The following PIGL variants were observed in gnomAD, a reference collection of about 807,000 sequenced individuals.
PIGL encodes the protein phosphatidylinositol glycan anchor biosynthesis class L, also known as N-acetylglucosaminyl-phosphatidylinositol de-N-acetylase.
In PIGL, 22 loss-of-function variants were observed where a neutral mutation model predicts 31.1. That is an observed-to-expected ratio of 0.71 (90% CI 0.51 to 1.01). The LOEUF is 1.01. Ranked by LOEUF, PIGL falls within the 50% of genes least tolerant of loss-of-function variation. The pLI is 0.00. For missense variants in PIGL, 302 were observed against 315.9 expected, an observed-to-expected ratio of 0.96 and a Z score of 0.33; for synonymous variants, 131 against 117.4, an observed-to-expected ratio of 1.12 and a Z score of -0.75.
At chr17:16,315,622 G>T (rs539158991) in intron 4 of PIGL, among the ~76,000 whole-genome samples, 52 of 151,204 alleles carry the variant, frequency 3.4e-4, no homozygotes, top group South Asian at 6.3e-4. Flanking sequence ...ACAGGGCTTT[G>T]CCCAGAGTAC....
intron 2 of PIGL, among the ~76,000 whole-genome samples, chr17:16,259,097 T>C (rs945048561): frequency 6.6e-6 from 1 of 152,184 alleles, no homozygotes; most frequent in African/African-American, 2.4e-5. Context: ...TTCAAGATGA[T>C]GTGTTGCTAC....
chr17:16,217,748 A>G (rs928142303), intron 1 of PIGL: 3 of 402,016 alleles, frequency 7.5e-6, no homozygotes, highest in African/African-American at 2.0e-5. Flanking sequence ...CTCCACCTGT[A>G]CTTGTTATTC....
chr17:16,275,456 C>T (rs1040366575), intron 2 of PIGL, among the ~76,000 whole-genome samples: 1 of 152,180 alleles, frequency 6.6e-6, no homozygotes, highest in East Asian at 1.9e-4. Context: ...GACCTCCTAT[C>T]TCATCCTATA....
At chr17:16,229,960 C>T (rs2092671615) in intron 1 of PIGL, among the ~76,000 whole-genome samples, 2 of 140,292 alleles carry the variant, frequency 1.4e-5, no homozygotes, top group African/African-American at 2.7e-5. Flanking sequence ...CTCCTAGGTT[C>T]AAGAGATTCT....
At position 16,274,890 on chromosome 17, in the gene PIGL, A is replaced by T. The variant is rs1250076047; in HGVS notation, c.336-24998A>T. Among the ~76,000 whole-genome samples, 4 of 148,364 alleles carry T rather than the reference A, an allele frequency of 2.7e-5. No homozygotes were observed. In the South Asian group the frequency reaches 8.5e-4, roughly 32 times the overall value. ...CTACTAAATATACAAAAATTAGCCG[A>T]GTGTGGTGGCTTGCGCCTGTAATCC... is the stretch of plus-strand genomic sequence containing the variant. On this transcript the variant is annotated intron_variant, in intron 2 of 6. Coordinates refer to ENST00000225609, the MANE Select transcript of PIGL (RefSeq NM_004278.4).
At chr17:16,265,866 C>G (rs2092840331) in intron 2 of PIGL, among the ~76,000 whole-genome samples, 1 of 151,966 alleles carries the variant, frequency 6.6e-6, no homozygotes, top group South Asian at 2.1e-4. Context: ...CATTATAGAC[C>G]CTGTACTTTA....
intron 2 of PIGL, among the ~76,000 whole-genome samples, chr17:16,258,117 GAGAGAGAA>G (rs2092803829): frequency 1.6e-5 from 2 of 125,306 alleles, no homozygotes; most frequent in African/African-American, 2.9e-5. Context: ...GAGAGAGAGA[GAGAGAGAA>G]AGAGAGAGAG....
chr17:16,263,456 C>G (rs980148982), intron 2 of PIGL, among the ~76,000 whole-genome samples: 2 of 151,974 alleles, frequency 1.3e-5, no homozygotes, highest in African/African-American at 4.8e-5. Flanking sequence ...CAGTTGTGAG[C>G]CACCACAACT....
At chr17:16,287,127 C>T (rs757241214) in intron 2 of PIGL, among the ~76,000 whole-genome samples, 3 of 152,232 alleles carry the variant, frequency 2.0e-5, no homozygotes, top group Non-Finnish European at 4.4e-5. Context: ...ATGCCTTTCT[C>T]CAGCCATGGC....
chr17:16,232,130 T>C (rs945631325), intron 1 of PIGL, among the ~76,000 whole-genome samples: 1 of 151,832 alleles, frequency 6.6e-6, no homozygotes, highest in African/African-American at 2.4e-5. Context: ...ATACAAAAAT[T>C]AGCCAGGCGT....
chr17:16,243,063 G>A (rs1033252831), intron 2 of PIGL, among the ~76,000 whole-genome samples: 5 of 152,004 alleles, frequency 3.3e-5, no homozygotes, highest in Admixed American at 6.6e-5. Flanking sequence ...TTGTTTGTTT[G>A]TTTATGAGAC....
chr17:16,302,792 G>A (rs549192587), intron 3 of PIGL, among the ~76,000 whole-genome samples: 2 of 4,774 alleles, frequency 4.2e-4, no homozygotes, highest in South Asian at 7.0e-3. Context: ...TAGAGATGGG[G>A]TTTCACCATG....
At chr17:16,303,207 G>A (rs555680504) in intron 3 of PIGL, among the ~76,000 whole-genome samples, 32 of 152,230 alleles carry the variant, frequency 2.1e-4, no homozygotes, top group Non-Finnish European at 3.8e-4. Context: ...TTGAGGCTCC[G>A]GCAGTATTTG....
intron 2 of PIGL, among the ~76,000 whole-genome samples, chr17:16,250,522 C>T (rs543714836): frequency 1.3e-5 from 2 of 152,132 alleles, no homozygotes; most frequent in Non-Finnish European, 2.9e-5. Context: ...TCCATAGCAA[C>T]ACGCAACAGT....
chr17:16,314,801 G>C (rs1465009862), intron 4 of PIGL, among the ~76,000 whole-genome samples: 1 of 152,110 alleles, frequency 6.6e-6, no homozygotes, highest in African/African-American at 2.4e-5. Context: ...ATGATATATG[G>C]AAAAATGAGG....
intron 1 of PIGL, among the ~76,000 whole-genome samples, chr17:16,227,397 C>G (rs952826894): frequency 1.3e-4 from 20 of 152,086 alleles, no homozygotes; most frequent in African/African-American, 4.8e-4. Context: ...AGGCGTGAGC[C>G]ACCTCACCCA....
chr17:16,301,143 T>A (rs1188976011), intron 3 of PIGL, among the ~76,000 whole-genome samples: 1 of 152,172 alleles, frequency 6.6e-6, no homozygotes, highest in African/African-American at 2.4e-5. Flanking sequence ...GCTTTTTTTT[T>A]TAATTTTTTT....
intron 1 of PIGL, among the ~76,000 whole-genome samples, chr17:16,219,038 T>TG (rs1175076220): frequency 6.6e-6 from 1 of 150,692 alleles, no homozygotes. Context: ...TACTACTTTC[T>TG]GTAGCATTGA....
At chr17:16,311,422 A>AATAAGTGGTAAACTTG (rs1433370060) in intron 3 of PIGL, among the ~76,000 whole-genome samples, 1 of 139,006 alleles carries the variant, frequency 7.2e-6, no homozygotes, top group Non-Finnish European at 1.5e-5. Flanking sequence ...GCAAAAAGCC[A>AATAAGTGGTAAACTTG]CAAACCCAAT....
Sources: allele counts gnomAD v4.1 joint callset (sites outside exome capture counted in the v4.1 genomes callset), GRCh38; gene constraint gnomAD v4.1.1; transcripts MANE v1.5; gene names NCBI Gene and HGNC (gene_info 2026-07-23, HGNC 2026-07-21).